Variants in LYRM7 observed in about 807,000 individuals in gnomAD.
LYRM7 encodes the protein complex III assembly factor LYRM7.
In LYRM7, 9 loss-of-function variants were observed where a neutral mutation model predicts 15.8. The observed-to-expected ratio is 0.57, with a 90% CI of 0.34 to 0.99. LYRM7 has a LOEUF of 0.99. LYRM7 is among the 50% of genes least tolerant of loss of function. LYRM7 has a pLI of 0.02. For synonymous variants in LYRM7, 39 were observed against 39.4 expected (o/e 0.99, Z 0.04); for missense variants, 115 against 119.1 (o/e 0.97, Z 0.16).
At position 131,203,232 on chromosome 5, in the gene LYRM7, A is replaced by G. The variant is rs576091138; in HGVS notation, c.*3631A>G. 2.0e-5 allele frequency: 3 copies of G among 152,494 alleles called. No homozygotes were observed. The highest frequency in any genetic ancestry group is 2.0e-4 in the Admixed American group (3 of 15,310). 9.4% of individuals were successfully genotyped at this position (152,494 alleles called of 1,614,324 possible). On this transcript the variant is annotated 3_prime_UTR_variant, in exon 5 of 5. Transcript: ENST00000379380. ...GTTTTACTGTATATCAGTTGTCACC[A>G]ATCAGAAATGGAAAACAGATCCTAT...
At position 131,204,934 on chromosome 5, in the gene LYRM7, G is replaced by A. The variant is rs149011955; in HGVS notation, c.*5333G>A. ...ACTTTTATTCTATTTACTCCTGCAC[G>A]TTTAAATATTGTTTACAGTGAGTAT... On this transcript the variant is annotated 3_prime_UTR_variant, in exon 5 of 5. Transcript: ENST00000379380. 125 of 152,282 alleles carry A rather than the reference G, an allele frequency of 8.2e-4. 1 individual carries two copies. The highest frequency in any genetic ancestry group is 2.7e-3 in the African/African-American group (111 of 41,498). The allele number at this position is 152,282 out of a possible 1,614,324, so 9.4% of individuals were successfully genotyped here.
At chr5:131,197,876 G>A (rs1448855196) in intron 4 of LYRM7, among the ~76,000 whole-genome samples, 2 of 143,282 alleles carry the variant, frequency 1.4e-5, no homozygotes, top group East Asian at 3.9e-4. Flanking sequence ...GTGTGTGTGT[G>A]TGTGTGTGTA....
intron 3 of LYRM7, among the ~76,000 whole-genome samples, chr5:131,184,648 G>GA (rs10628912): frequency 0.11 from 16,669 of 150,106 alleles, 2,406 homozygotes; most frequent in African/African-American, 0.32. Context: ...GGCGGGGGGG[G>GA]GGTTCCAGGA....
chr5:131,172,889 A>G (rs7713027), intron 1 of LYRM7, among the ~76,000 whole-genome samples: 9,015 of 152,288 alleles, frequency 0.059, 511 homozygotes, highest in African/African-American at 0.15. Context: ...TCCAATCAGT[A>G]TAAGTAAATG....
chr5:131,184,455 C>A (rs1755761326), intron 3 of LYRM7, among the ~76,000 whole-genome samples: 1 of 152,162 alleles, frequency 6.6e-6, no homozygotes, highest in Non-Finnish European at 1.5e-5. Flanking sequence ...GACCCTCCTG[C>A]CTTAGCCTCC....
At chr5:131,198,272 A>G (rs1756002145) in intron 4 of LYRM7, among the ~76,000 whole-genome samples, 2 of 152,206 alleles carry the variant, frequency 1.3e-5, no homozygotes, top group African/African-American at 4.8e-5. Flanking sequence ...GCTATCATTT[A>G]ATCTTTCCAT....
At chr5:131,191,855 A>C (rs945910154) in intron 4 of LYRM7, among the ~76,000 whole-genome samples, 3 of 152,170 alleles carry the variant, frequency 2.0e-5, no homozygotes, top group African/African-American at 7.2e-5. Flanking sequence ...AAAACTAAAC[A>C]TAGAACTATT....
rs762109952 is a variant in LYRM7 at position 131,182,276 on chromosome 5, ACTT to A, written c.145_147del (p.Ser49del). 42 of 1,426,584 alleles carry A rather than the reference ACTT, an allele frequency of 2.9e-5. No individual in the cohort carries two copies. The African/African-American group carries it at 3.7e-4, about 13-fold the overall frequency. 88.4% of individuals were successfully genotyped at this position (1,426,584 alleles called of 1,614,324 possible). The stretch of plus-strand genomic sequence containing the variant: ...AGAATTCAAAAATAATAAAAGTGAA[ACTT>A]CTTCTAAGAAAATAGAAGAGGTACA... On this transcript the variant is annotated inframe_deletion, in exon 3 of 5. Transcript: ENST00000379380.
At chr5:131,187,196 A>C in intron 4 of LYRM7, 87 bp downstream of exon 4, 3 of 740,376 alleles carry the variant, frequency 4.1e-6, no homozygotes, top group Non-Finnish European at 6.8e-6. Context: ...CTGAGTGATA[A>C]AACAGCTTGA....
chr5:131,174,887 C>T (rs1043633628), intron 1 of LYRM7, among the ~76,000 whole-genome samples: 16 of 152,132 alleles, frequency 1.1e-4, no homozygotes, highest in African/African-American at 3.6e-4. Flanking sequence ...TTGGCCTTGA[C>T]CTGCGGGGCT....
At position 131,183,952 on chromosome 5, in the gene LYRM7, G is replaced by T. The variant is rs557319544; in HGVS notation, c.162+1653G>T. Among the ~76,000 whole-genome samples the T allele has an allele frequency of 1.0e-3, 158 of 152,050 alleles. 2 individuals are homozygous for T. Among genetic ancestry groups the T allele is most frequent in the African/African-American group, 3.6e-3 (149 of 41,500 alleles). On this transcript the variant is annotated intron_variant, in intron 3 of 4. Transcript: ENST00000379380. ...AAATGTAGTGAGAAGAGTGGTATTGGTTTTTTTGTTTTTGTTTTGTTTTTG... is the reference window on the plus strand; with the variant it reads ...AAATGTAGTGAGAAGAGTGGTATTGTTTTTTTTGTTTTTGTTTTGTTTTTG...
intron 1 of LYRM7, among the ~76,000 whole-genome samples, chr5:131,179,013 G>GT (rs1196882687): frequency 7.1e-6 from 1 of 141,646 alleles, no homozygotes; most frequent in African/African-American, 2.6e-5. Flanking sequence ...TGTCTAAATT[G>GT]TTTAAAACAT....
At position 131,196,824 on chromosome 5, in the gene LYRM7, A is replaced by G. The variant is rs571077850; in HGVS notation, c.245-2707A>G. ...TGGTGCCTGCCACCACGCCCAGCTAATTTTTGTATTTTTAGTAGAGACAGG... is the reference window on the plus strand; with the variant it reads ...TGGTGCCTGCCACCACGCCCAGCTAGTTTTTGTATTTTTAGTAGAGACAGG... On this transcript the variant is annotated intron_variant, in intron 4 of 4. Transcript: ENST00000379380. Among the ~76,000 whole-genome samples the G allele has an allele frequency of 5.3e-4, 80 of 151,762 alleles. 1 individual carries two copies. The highest frequency in any genetic ancestry group is 1.8e-3 in the African/African-American group (76 of 41,352).
Position 131,199,683 on chromosome 5 carries a change from T to G in LYRM7, c.*82T>G. The G allele has an allele frequency of 2.1e-6, 2 of 937,220 alleles. No individual in the cohort carries two copies. Among genetic ancestry groups the G allele is most frequent in the Non-Finnish European group, 3.2e-6 (2 of 621,094 alleles). The allele number at this position is 937,220 out of a possible 1,614,324, so 58.1% of individuals were successfully genotyped here. ...GCAAAAGTCCTGGAAATGCAGACAT[T>G]TTCCCTGAACTGGCATATTGAAAAT... On this transcript the variant is annotated 3_prime_UTR_variant, in exon 5 of 5. Transcript: ENST00000379380.
intron 4 of LYRM7, among the ~76,000 whole-genome samples, chr5:131,196,636 A>C (rs993328741): frequency 3.9e-5 from 6 of 151,998 alleles, no homozygotes; most frequent in African/African-American, 1.4e-4. Flanking sequence ...CACTAAGGAC[A>C]AGCACTAGCC....
chr5:131,192,086 A>C (rs1755896425), intron 4 of LYRM7, among the ~76,000 whole-genome samples: 1 of 150,414 alleles, frequency 6.6e-6, no homozygotes, highest in Admixed American at 6.7e-5. Flanking sequence ...CACACAATGC[A>C]ATATTATTCA....
intron 2 of LYRM7, among the ~76,000 whole-genome samples, chr5:131,181,373 G>GTATATATAATATATATGTA (rs1554089922): frequency 6.2e-5 from 5 of 80,094 alleles, no homozygotes; most frequent in African/African-American, 3.3e-4. Flanking sequence ...ACATATATAT[G>GTATATATAATATATATGTA]TATATATAAT....
chr5:131,171,335 C>T (rs751743847), intron 1 of LYRM7, among the ~76,000 whole-genome samples: 1 of 152,080 alleles, frequency 6.6e-6, no homozygotes, highest in South Asian at 2.1e-4. Flanking sequence ...CATCTTCAGA[C>T]CGAGTATTTG....
chr5:131,189,083 C>T (rs891038695), intron 4 of LYRM7, among the ~76,000 whole-genome samples: 1 of 151,788 alleles, frequency 6.6e-6, no homozygotes, highest in Non-Finnish European at 1.5e-5. Context: ...GAGGCAGAGG[C>T]TGCAGTGAGC....
Sources: allele counts gnomAD v4.1 joint callset (sites outside exome capture counted in the v4.1 genomes callset), GRCh38; gene constraint gnomAD v4.1.1; transcripts MANE v1.5; gene names NCBI Gene and HGNC (gene_info 2026-07-23, HGNC 2026-07-21).